FABP7: variants seen among roughly 807,000 people sequenced by gnomAD.
FABP7 encodes the protein fatty acid binding protein 7.
FABP7 carries 13 observed loss-of-function variants against 14.2 expected under a neutral mutation model. The ratio of observed to expected loss-of-function variants is 0.91; its 90% CI spans 0.59 to 1.45. FABP7 has a LOEUF of 1.45. Among genes scored for constraint, FABP7 ranks in the 40% most tolerant of loss-of-function variants. The probability of loss-of-function intolerance (pLI) is 0.00; values close to 1 mark genes in which losing one functional copy is unlikely to be tolerated. For synonymous variants in FABP7, 49 were observed against 51.4 expected, an observed-to-expected ratio of 0.95 and a Z score of 0.20; for missense variants, 149 against 157.6, an observed-to-expected ratio of 0.95 and a Z score of 0.29.
the FABP7 span, among the ~76,000 whole-genome samples, chr6:122,759,934 T>C: frequency 6.6e-6 from 1 of 151,796 alleles, no homozygotes; most frequent in South Asian, 2.1e-4. Context: ...GCCTGGCCAA[T>C]ATGGTGAAAC....
At chr6:122,772,699 A>G in the FABP7 span, among the ~76,000 whole-genome samples, 34 of 152,290 alleles carry the variant, frequency 2.2e-4, 1 homozygote, top group Admixed American at 2.2e-3. Flanking sequence ...GATTACGGGC[A>G]TGAGCCACCA....
chr6:122,760,586 C>T, the FABP7 span, among the ~76,000 whole-genome samples: 11 of 147,870 alleles, frequency 7.4e-5, no homozygotes, highest in Admixed American at 4.0e-4. Flanking sequence ...ATTGAATTTT[C>T]TTTAGCATAG....
At chr6:122,782,193 A>G in intron 3 of FABP7, 5 of 982,244 alleles carry the variant, frequency 5.1e-6, no homozygotes, top group Non-Finnish European at 6.0e-6. Context: ...ACTAGGAATT[A>G]TCTGTAAAAG....
chr6:122,770,161 C>A, the FABP7 span, among the ~76,000 whole-genome samples: 2,063 of 151,912 alleles, frequency 0.014, 31 homozygotes, highest in Non-Finnish European at 0.017. Flanking sequence ...CCCAAATGAA[C>A]CAGTGGCTCT....
At chr6:122,782,015 G>A (rs1223551822) in intron 3 of FABP7, 1 of 958,136 alleles carries the variant, frequency 1.0e-6, no homozygotes, top group Non-Finnish European at 1.2e-6. Flanking sequence ...GCCTCCCAGA[G>A]TGCTGGGATT....
upstream of FABP7, among the ~76,000 whole-genome samples, chr6:122,776,881 G>A (rs1780685467): frequency 6.6e-6 from 1 of 152,128 alleles, no homozygotes; most frequent in African/African-American, 2.4e-5. Context: ...ATGGCAACAT[G>A]TATTCTTTTC....
At chr6:122,761,789 T>G in the FABP7 span, among the ~76,000 whole-genome samples, 2 of 152,174 alleles carry the variant, frequency 1.3e-5, no homozygotes, top group African/African-American at 4.8e-5. Context: ...ATGAGAAGAC[T>G]TCATAAAATA....
chr6:122,773,444 C>A, the FABP7 span, among the ~76,000 whole-genome samples: 1 of 152,138 alleles, frequency 6.6e-6, no homozygotes, highest in Non-Finnish European at 1.5e-5. Flanking sequence ...TATACTGTCA[C>A]CTGTAAATTC....
At chr6:122,766,016 A>G in the FABP7 span, among the ~76,000 whole-genome samples, 1 of 152,090 alleles carries the variant, frequency 6.6e-6, no homozygotes, top group South Asian at 2.1e-4. Flanking sequence ...AAGACCTGAA[A>G]TTTTGTTACA....
the FABP7 span, among the ~76,000 whole-genome samples, chr6:122,757,407 C>T: frequency 3.9e-5 from 6 of 151,922 alleles, no homozygotes; most frequent in South Asian, 2.1e-4. Context: ...GACTAAATAT[C>T]GTGATACTAC....
chr6:122,756,668 C>T, the FABP7 span, among the ~76,000 whole-genome samples: 3 of 152,168 alleles, frequency 2.0e-5, no homozygotes, highest in Non-Finnish European at 4.4e-5. Context: ...ATAATACATC[C>T]CGTTTGTCTC....
chr6:122,781,741 T>C (rs79482314), intron 3 of FABP7: 24 of 158,256 alleles, frequency 1.5e-4, no homozygotes, highest in South Asian at 2.5e-4. Context: ...GTGATAACCC[T>C]TTTTTTTTTT....
At chr6:122,751,636 C>T in the FABP7 span, among the ~76,000 whole-genome samples, 1 of 152,190 alleles carries the variant, frequency 6.6e-6, no homozygotes, top group Non-Finnish European at 1.5e-5. Context: ...GCAAATGGCA[C>T]ATTCTATTAT....
the FABP7 span, among the ~76,000 whole-genome samples, chr6:122,771,245 T>G: frequency 6.6e-6 from 1 of 152,146 alleles, no homozygotes; most frequent in South Asian, 2.1e-4. Context: ...CCTGAAAGCT[T>G]AGCTCAACCT....
the FABP7 span, among the ~76,000 whole-genome samples, chr6:122,772,910 G>A: frequency 6.6e-6 from 1 of 152,022 alleles, no homozygotes; most frequent in Non-Finnish European, 1.5e-5. Flanking sequence ...TGGTTTATTG[G>A]TGAGGGTAGG....
At chr6:122,762,748 CA>C in the FABP7 span, among the ~76,000 whole-genome samples, 1 of 152,142 alleles carries the variant, frequency 6.6e-6, no homozygotes, top group Non-Finnish European at 1.5e-5. Context: ...ACACAAATAA[CA>C]GACAAACAGA....
the FABP7 span, among the ~76,000 whole-genome samples, chr6:122,753,158 G>A: frequency 2.6e-5 from 4 of 152,186 alleles, no homozygotes; most frequent in African/African-American, 7.2e-5. Flanking sequence ...CCCAGCAGGT[G>A]CCCAGGCCAC....
chr6:122,780,735 G>C (rs1033917273), intron 2 of FABP7, among the ~76,000 whole-genome samples: 1 of 152,110 alleles, frequency 6.6e-6, no homozygotes, highest in African/African-American at 2.4e-5. Context: ...ATTTAATAAG[G>C]TTTGTTTGAA....
the FABP7 span, among the ~76,000 whole-genome samples, chr6:122,774,618 G>A: frequency 6.6e-6 from 1 of 151,968 alleles, no homozygotes; most frequent in African/African-American, 2.4e-5. Flanking sequence ...GAACAGTCGA[G>A]TGGCTTTTAT....
Sources: allele counts gnomAD v4.1 joint callset (sites outside exome capture counted in the v4.1 genomes callset), GRCh38; gene constraint gnomAD v4.1.1; transcripts MANE v1.5; gene names NCBI Gene and HGNC (gene_info 2026-07-23, HGNC 2026-07-21).